Variants in FAT4 observed in about 807,000 individuals in gnomAD.
The protein encoded by FAT4 is FAT atypical cadherin 4.
Under a neutral mutation model 303.9 loss-of-function variants are expected in FAT4, and 84 were observed. The observed-to-expected ratio is 0.28, with a 90% CI of 0.23 to 0.33. The LOEUF (loss-of-function observed/expected upper bound fraction) is 0.33, where lower values mean the gene tolerates loss of function less well. FAT4 is among the 10% of genes least tolerant of loss of function. The probability of loss-of-function intolerance (pLI) is 1.00; values close to 1 mark genes in which losing one functional copy is unlikely to be tolerated. For synonymous variants in FAT4, 2,307 were observed against 2,298.8 expected, an observed-to-expected ratio of 1.00 and a Z score of -0.10; for missense variants, 6,005 against 6,146.8, an observed-to-expected ratio of 0.98 and a Z score of 0.77.
rs555221724 is a variant in FAT4, at chr4:125,404,258, A to C, written c.5308-2622A>C. Among the ~76,000 whole-genome samples the C allele has an allele frequency of 7.2e-5, 11 of 152,040 alleles. No individual in the cohort carries two copies. The East Asian group carries it at 2.1e-3, about 30-fold the overall frequency. On this transcript the variant is annotated intron_variant, in intron 3 of 17. Transcript: ENST00000394329. ...ATGAAGCCTCAGTCTCTTGGGCCCC[A>C]ACTGTATTCACAATCTGCCTTCTCT...
At chr4:125,322,901 G>T (rs941047206) in intron 2 of FAT4, among the ~76,000 whole-genome samples, 1 of 151,792 alleles carries the variant, frequency 6.6e-6, no homozygotes, top group Non-Finnish European at 1.5e-5. Context: ...GGATTTCTAA[G>T]CCAAATAACC....
In FAT4 at chr4:125,407,049, G is replaced by A; in HGVS notation, c.5477G>A (p.Arg1826Lys). The change falls in exon 4 of 18, where the codon AGA becomes AAA. Residue 1826 changes from arginine (R) to lysine (K), a missense_variant. Physicochemically the swap from Arg to Lys is conservative, Grantham distance 26. Coordinates refer to ENST00000394329, the MANE Select transcript of FAT4 (RefSeq NM_001291303.3). ...GATGGTCTTCAGTCCTCGGATATGA[G>A]AATTAATATCACTGTCAGTGATGTG... ...ADDGLQSSDM[R>K]INITVSDVND... is the part of the protein sequence containing the mutation. The A allele has an allele frequency of 1.2e-6, 2 of 1,613,756 alleles. No homozygotes were observed. The highest frequency in any genetic ancestry group is 1.7e-6 in the Non-Finnish European group (2 of 1,179,838).
chr4:125,456,179 G>A (rs998485474), intron 10 of FAT4, among the ~76,000 whole-genome samples: 3 of 152,150 alleles, frequency 2.0e-5, no homozygotes, highest in Admixed American at 6.5e-5. Flanking sequence ...AGGTAGGAAC[G>A]ATGCTGAATG....
At position 125,316,617 on chromosome 4, in the gene FAT4, G is replaced by T; in HGVS notation, c.206G>T (p.Gly69Val). ...TLVGTIQTRPGFTYRLSESHA... is the reference protein window; with the variant it reads ...TLVGTIQTRPVFTYRLSESHA... ...GTAGGCACCATCCAGACGCGCCCCG[G>T]CTTCACCTACAGGCTCAGCGAAAGC... is the stretch of plus-strand genomic sequence containing the variant. The change falls in exon 2 of 18, where the codon GGC (glycine) becomes GTC (valine). Residue 69 changes from glycine (G) to valine (V), a missense_variant. Transcript: ENST00000394329. This position sits in a 1 kb window ranked among gnomAD's most constrained non-coding sequence, Gnocchi z 5.7. The T allele has an allele frequency of 6.2e-7, 1 of 1,613,828 alleles. No homozygotes were observed. The highest frequency in any genetic ancestry group is 8.5e-7 in the Non-Finnish European group (1 of 1,180,022).
intron 2 of FAT4, among the ~76,000 whole-genome samples, chr4:125,333,453 A>G (rs1203486315): frequency 6.6e-6 from 1 of 152,178 alleles, no homozygotes; most frequent in Non-Finnish European, 1.5e-5. Context: ...GTAAAAGTGC[A>G]GTTCTGGCAA....
rs1179847087 is a variant in FAT4 at position 125,320,392 on chromosome 4, C to T, written c.3981C>T (p.Asn1327=). 2 of 1,614,092 alleles carry T rather than the reference C, an allele frequency of 1.2e-6. No individual in the cohort carries two copies. Among genetic ancestry groups the T allele is most frequent in the Non-Finnish European group, 1.7e-6 (2 of 1,179,976 alleles). Residue 1327 remains asparagine, a synonymous_variant, in exon 2 of 18, where the codon AAC becomes AAT. Coordinates refer to ENST00000394329, the MANE Select transcript of FAT4 (RefSeq NM_001291303.3). The stretch of plus-strand genomic sequence containing the variant: ...CACTCTTTGTTGATGTTTTGGAAAA[C>T]ATGAGAATTGGTGAACTCGTGTCCT... ...KSTLFVDVLE[N]MRIGELVSSV...
At chr4:125,435,169 T>C (rs1578639769) in intron 8 of FAT4, among the ~76,000 whole-genome samples, 2 of 152,198 alleles carry the variant, frequency 1.3e-5, no homozygotes, top group East Asian at 3.9e-4. Context: ...CCTCTTAAAA[T>C]TGAGAACACA....
intron 3 of FAT4, among the ~76,000 whole-genome samples, chr4:125,401,197 G>A (rs907895697): frequency 6.6e-6 from 1 of 151,972 alleles, no homozygotes. Flanking sequence ...ACTGCTGACT[G>A]ACTATAACTC....
At chr4:125,348,267 A>T (rs1732083523) in intron 2 of FAT4, among the ~76,000 whole-genome samples, 2 of 151,928 alleles carry the variant, frequency 1.3e-5, no homozygotes, top group Admixed American at 1.3e-4. Context: ...ATTGGAACGT[A>T]TTCTTTTATA....
rs113430993 is a variant in FAT4 at position 125,405,392 on chromosome 4, A to G, written c.5308-1488A>G. Among the ~76,000 whole-genome samples the G allele has an allele frequency of 2.1e-3, 319 of 151,812 alleles. 2 individuals carry two copies. Among genetic ancestry groups the G allele is most frequent in the African/African-American group, 7.2e-3 (299 of 41,380 alleles). On this transcript the variant is annotated intron_variant, in intron 3 of 17. Coordinates refer to ENST00000394329, the MANE Select transcript of FAT4 (RefSeq NM_001291303.3). ...CCAATTTCCCCACTTCTTCACCAACACTTGTTTTGGTTTATTTGTTATGAT... is the reference window on the plus strand; with the variant it reads ...CCAATTTCCCCACTTCTTCACCAACGCTTGTTTTGGTTTATTTGTTATGAT...
At position 125,316,603 on chromosome 4, in the gene FAT4, C is replaced by G. The variant is rs748267294; in HGVS notation, c.192C>G (p.Ile64Met). ...EQPPGTLVGT[I>M]QTRPGFTYRL... ...CTCCAGGCACTCTGGTAGGCACCAT[C>G]CAGACGCGCCCCGGCTTCACCTACA... is the stretch of plus-strand genomic sequence containing the variant. The change falls in exon 2 of 18, where the codon ATC becomes ATG. Residue 64 changes from isoleucine to methionine, a missense_variant. Ile to Met is a conservative substitution (Grantham distance 10, BLOSUM62 1). Coordinates refer to ENST00000394329, the MANE Select transcript of FAT4 (RefSeq NM_001291303.3). This position sits in a 1 kb window ranked among gnomAD's most constrained non-coding sequence, Gnocchi z 5.7. 17 of 1,614,032 alleles carry G rather than the reference C, an allele frequency of 1.1e-5. No individual in the cohort carries two copies. The highest frequency in any genetic ancestry group is 1.4e-5 in the Non-Finnish European group (17 of 1,180,034).
In FAT4 at chr4:125,452,176, A is replaced by G. The variant is rs1726108968; in HGVS notation, c.11166A>G (p.Pro3722=). The G allele has an allele frequency of 6.2e-7, 1 of 1,614,096 alleles. No individual in the cohort carries two copies. Among genetic ancestry groups the G allele is most frequent in the Non-Finnish European group, 8.5e-7 (1 of 1,180,040 alleles). The change falls in exon 10 of 18, where the codon CCA becomes CCG. Residue 3722 remains proline (P), a synonymous_variant. Coordinates refer to ENST00000394329, the MANE Select transcript of FAT4 (RefSeq NM_001291303.3). ...GCATCTTACTTCGTCTCGGCGTACC[A>G]ACAGTAAAGGACTTCTTGACCAACC... ...DNSILLRLGV[P]TVKDFLTNHY...
chr4:125,375,538 A>G (rs1206005394), intron 2 of FAT4, among the ~76,000 whole-genome samples: 1 of 152,172 alleles, frequency 6.6e-6, no homozygotes, highest in East Asian at 1.9e-4. Flanking sequence ...TGGCCTGGAA[A>G]TATGCATTTT....
chr4:125,389,770 G>C (rs1237027663), intron 2 of FAT4, among the ~76,000 whole-genome samples: 1 of 152,144 alleles, frequency 6.6e-6, no homozygotes, highest in Non-Finnish European at 1.5e-5. Context: ...CCACAAGTTT[G>C]AACAAAGTTG....
intron 2 of FAT4, among the ~76,000 whole-genome samples, chr4:125,342,001 G>C (rs1428524113): frequency 6.6e-6 from 1 of 151,864 alleles, no homozygotes; most frequent in African/African-American, 2.4e-5. Flanking sequence ...AATCCTTGAA[G>C]TCCTGTGAAG....
chr4:125,393,544 A>G (rs1734051063), intron 2 of FAT4, among the ~76,000 whole-genome samples: 1 of 152,194 alleles, frequency 6.6e-6, no homozygotes, highest in Admixed American at 6.6e-5. Context: ...ATCCCCATGT[A>G]TAATAACATT....
intron 2 of FAT4, among the ~76,000 whole-genome samples, chr4:125,348,722 A>G (rs928485535): frequency 6.6e-6 from 1 of 151,770 alleles, no homozygotes; most frequent in Non-Finnish European, 1.5e-5. Flanking sequence ...GATAATAGCC[A>G]TAATAATGTT....
At position 125,487,846 on chromosome 4, in the gene FAT4, C is replaced by T. The variant is rs192478959; in HGVS notation, c.13084+240C>T. ...AATAAACTATTAGCCACCACTTTCT[C>T]GAGAGCTTGCATCTTTCTTACCAAG... On this transcript the variant is annotated intron_variant, in intron 17 of 17. Coordinates refer to ENST00000394329, the MANE Select transcript of FAT4 (RefSeq NM_001291303.3). 7.2e-5 allele frequency among the ~76,000 whole-genome samples: 11 copies of T among 152,236 alleles called. No individual in the cohort carries two copies. In the East Asian group the frequency reaches 2.1e-3, roughly 29 times the overall value.
At chr4:125,453,921 A>T (rs766561334) in intron 10 of FAT4, among the ~76,000 whole-genome samples, 10 of 152,174 alleles carry the variant, frequency 6.6e-5, no homozygotes, top group Non-Finnish European at 1.5e-4. Flanking sequence ...TTTCTACTCC[A>T]TGTCTATATC....
Sources: gnomAD v4.1 joint callset for allele counts (sites outside exome capture counted in the v4.1 genomes callset) on GRCh38, gnomAD v4.1.1 for gene constraint, Gnocchi (gnomAD v3.1) non-coding constraint, MANE v1.5 for transcripts, NCBI Gene and HGNC (gene_info 2026-07-23, HGNC 2026-07-21) for gene names.